KGD4: variants seen among roughly 807,000 people sequenced by gnomAD.
KGD4 encodes alpha-ketoglutarate dehydrogenase component 4.
At chr5:69,229,877 T>C in the KGD4 span, 1 of 151,900 alleles carries the variant, frequency 6.6e-6, no homozygotes, top group Non-Finnish European at 1.5e-5. Flanking sequence ...AAAATGAATA[T>C]AGCATAGGAA....
the KGD4 span, chr5:69,229,441 T>C: frequency 2.4e-6 from 1 of 419,146 alleles, no homozygotes; most frequent in African/African-American, 2.1e-5. Flanking sequence ...ACTTTATACT[T>C]ATTAAAGTAT....
At chr5:69,226,768 A>G in the KGD4 span, among the ~76,000 whole-genome samples, 1 of 152,024 alleles carries the variant, frequency 6.6e-6, no homozygotes, top group African/African-American at 2.4e-5. Flanking sequence ...GAATTGCTTG[A>G]ACCCACGAGG....
chr5:69,229,108 A>C, the KGD4 span: 1 of 948,662 alleles, frequency 1.1e-6, no homozygotes, highest in Admixed American at 1.9e-5. Flanking sequence ...AAAACCAAAG[A>C]TTACTTACTG....
At chr5:69,224,347 C>T in the KGD4 span, among the ~76,000 whole-genome samples, 1 of 149,756 alleles carries the variant, frequency 6.7e-6, no homozygotes, top group South Asian at 2.1e-4. Context: ...ACAGAGATTA[C>T]GCCACTACAT....
chr5:69,224,740 G>T, the KGD4 span, among the ~76,000 whole-genome samples: 21 of 152,040 alleles, frequency 1.4e-4, no homozygotes, highest in African/African-American at 5.1e-4. Context: ...CTCCATCCTG[G>T]GCAACAAGCC....
At chr5:69,220,251 G>A in the KGD4 span, among the ~76,000 whole-genome samples, 1 of 151,256 alleles carries the variant, frequency 6.6e-6, no homozygotes, top group Non-Finnish European at 1.5e-5. Context: ...AAAAAACATA[G>A]AGCTTAGAAT....
chr5:69,217,932 C>T, the KGD4 span: 1 of 1,612,720 alleles, frequency 6.2e-7, no homozygotes, highest in South Asian at 1.1e-5. Context: ...ACTATGGCGA[C>T]GGCGTCGGGG....
At chr5:69,229,476 A>G in the KGD4 span, 1 of 347,332 alleles carries the variant, frequency 2.9e-6, no homozygotes, top group Non-Finnish European at 5.1e-6. Flanking sequence ...TAGCCTATTA[A>G]TTTACTCTTG....
At chr5:69,229,342 T>A in the KGD4 span, 1 of 840,488 alleles carries the variant, frequency 1.2e-6, no homozygotes, top group East Asian at 2.9e-5. Context: ...ATGAAAAAAA[T>A]GAAATATAGA....
At chr5:69,222,304 A>C in the KGD4 span, among the ~76,000 whole-genome samples, 1 of 152,178 alleles carries the variant, frequency 6.6e-6, no homozygotes, top group Non-Finnish European at 1.5e-5. Context: ...GTAAAGGATA[A>C]GCAGTCAGAA....
the KGD4 span, chr5:69,226,322 A>AT: frequency 6.4e-7 from 1 of 1,570,836 alleles, no homozygotes; most frequent in Non-Finnish European, 8.7e-7. Context: ...TTTCATGCAT[A>AT]TTACTTTTCA....
the KGD4 span, among the ~76,000 whole-genome samples, chr5:69,219,322 C>T: frequency 2.6e-5 from 4 of 152,004 alleles, no homozygotes; most frequent in African/African-American, 4.8e-5. Flanking sequence ...TGTCTCTGTA[C>T]GTAAATGTTC....
the KGD4 span, among the ~76,000 whole-genome samples, chr5:69,227,463 G>A: frequency 6.6e-6 from 1 of 151,996 alleles, no homozygotes; most frequent in African/African-American, 2.4e-5. Context: ...TTCTGAAAGG[G>A]TTCTGTTTTT....
At chr5:69,221,067 C>T in the KGD4 span, among the ~76,000 whole-genome samples, 2 of 152,090 alleles carry the variant, frequency 1.3e-5, no homozygotes, top group Non-Finnish European at 2.9e-5. Context: ...GGGACCTCTG[C>T]CTAGGAAAAC....
the KGD4 span, among the ~76,000 whole-genome samples, chr5:69,228,590 C>A: frequency 6.6e-6 from 1 of 152,128 alleles, no homozygotes; most frequent in East Asian, 1.9e-4. Flanking sequence ...ATATCAATAT[C>A]AATAGATATA....
At chr5:69,221,311 G>A in the KGD4 span, among the ~76,000 whole-genome samples, 475 of 152,176 alleles carry the variant, frequency 3.1e-3, 1 homozygote, top group Non-Finnish European at 4.7e-3. Context: ...ACGCTGCAGT[G>A]AACCACGATC....
the KGD4 span, among the ~76,000 whole-genome samples, chr5:69,228,946 C>T: frequency 7.7e-6 from 1 of 129,842 alleles, no homozygotes; most frequent in Non-Finnish European, 1.6e-5. Flanking sequence ...ACCCGGGAGG[C>T]GGAGGTTGCA....
the KGD4 span, among the ~76,000 whole-genome samples, chr5:69,220,548 G>T: frequency 6.6e-6 from 1 of 151,342 alleles, no homozygotes; most frequent in African/African-American, 2.4e-5. Context: ...CTGCCCGGCC[G>T]CCCCGTCTGG....
chr5:69,228,177 GTCT>G, the KGD4 span: 1 of 1,321,858 alleles, frequency 7.6e-7, no homozygotes, highest in East Asian at 2.5e-5. Flanking sequence ...CTCTAATAAG[GTCT>G]TTTTTTTTTT....
Sources: allele counts gnomAD v4.1 joint callset (sites outside exome capture counted in the v4.1 genomes callset), GRCh38; gene constraint gnomAD v4.1.1; transcripts MANE v1.5; gene names NCBI Gene and HGNC (gene_info 2026-07-23, HGNC 2026-07-21).